PAX5: variants seen among roughly 807,000 people sequenced by gnomAD.
PAX5 encodes the protein paired box protein Pax-5.
A neutral mutation model predicts 43.7 loss-of-function variants in PAX5; 9 were observed. The ratio of observed to expected loss-of-function variants is 0.21; its 90% CI spans 0.12 to 0.36. The LOEUF (loss-of-function observed/expected upper bound fraction) is 0.36, where lower values mean the gene tolerates loss of function less well. PAX5 is among the 10% of genes least tolerant of loss of function. The probability of loss-of-function intolerance (pLI) is 1.00; values close to 1 mark genes in which losing one functional copy is unlikely to be tolerated. For synonymous variants in PAX5, 228 were observed against 214.3 expected (o/e 1.06, Z -0.56); for missense variants, 383 against 532.7 (o/e 0.72, Z 2.77).
chr9:36,900,911 G>C (rs542783686), intron 7 of PAX5, among the ~76,000 whole-genome samples: 13 of 104,786 alleles, frequency 1.2e-4, no homozygotes, highest in Non-Finnish European at 2.4e-4. Flanking sequence ...ATTATCTCCC[G>C]GGTCCCCCAG....
At chr9:37,026,166 G>A (rs977705720) in intron 1 of PAX5, among the ~76,000 whole-genome samples, 2 of 152,362 alleles carry the variant, frequency 1.3e-5, no homozygotes, top group Middle Eastern at 3.4e-3. Context: ...GGTGTGGGGC[G>A]CTGTCTGAGA....
intron 6 of PAX5, among the ~76,000 whole-genome samples, chr9:36,927,322 C>T (rs7032726): frequency 0.53 from 81,042 of 151,938 alleles, 21,720 homozygotes; most frequent in East Asian, 0.74. Context: ...AATGCCTTTA[C>T]TTCCCCCAAG....
At chr9:36,932,680 T>C (rs1306038122) in intron 6 of PAX5, among the ~76,000 whole-genome samples, 2 of 152,214 alleles carry the variant, frequency 1.3e-5, no homozygotes, top group East Asian at 3.8e-4. Context: ...TACTAAAAAC[T>C]ATTGATTCAT....
chr9:36,906,261 T>A (rs958782286), intron 7 of PAX5, among the ~76,000 whole-genome samples: 1 of 152,212 alleles, frequency 6.6e-6, no homozygotes, highest in African/African-American at 2.4e-5. Flanking sequence ...GTATTTGCGA[T>A]GTGGAGAGCG....
chr9:36,946,913 A>G (rs1832573480), intron 6 of PAX5, among the ~76,000 whole-genome samples: 1 of 152,194 alleles, frequency 6.6e-6, no homozygotes, highest in South Asian at 2.1e-4. Flanking sequence ...AGCCACGTGC[A>G]GGGCCAAAAC....
At chr9:36,941,642 C>A (rs748571205) in intron 6 of PAX5, among the ~76,000 whole-genome samples, 10 of 152,198 alleles carry the variant, frequency 6.6e-5, no homozygotes, top group Non-Finnish European at 1.2e-4. Flanking sequence ...CCTCAGACTC[C>A]CCCTCTTTGC....
At chr9:36,856,253 A>C (rs1823656654) in intron 8 of PAX5, among the ~76,000 whole-genome samples, 1 of 152,246 alleles carries the variant, frequency 6.6e-6, no homozygotes, top group African/African-American at 2.4e-5. Flanking sequence ...TGCTGGAAAG[A>C]ATTAGTGAAA....
chr9:37,029,004 G>T (rs941882770), intron 1 of PAX5, among the ~76,000 whole-genome samples: 2 of 152,212 alleles, frequency 1.3e-5, no homozygotes, highest in Non-Finnish European at 2.9e-5. Context: ...ATAGTTCTGT[G>T]AGCCATCTGG....
At chr9:36,979,690 G>T (rs1210021052) in intron 5 of PAX5, among the ~76,000 whole-genome samples, 1 of 152,184 alleles carries the variant, frequency 6.6e-6, no homozygotes, top group Non-Finnish European at 1.5e-5. Flanking sequence ...GAGACTGAGA[G>T]CCCTGGTGTC....
chr9:36,892,613 A>G (rs1158394993), intron 7 of PAX5, among the ~76,000 whole-genome samples: 1 of 152,230 alleles, frequency 6.6e-6, no homozygotes, highest in Non-Finnish European at 1.5e-5. Context: ...GAATCACAGA[A>G]TACAAAATGC....
intron 6 of PAX5, among the ~76,000 whole-genome samples, chr9:36,962,425 AT>A (rs1834051279): frequency 1.3e-5 from 2 of 152,154 alleles, no homozygotes; most frequent in Admixed American, 6.5e-5. Context: ...GTGAAAAAAA[AT>A]GTTCTAGTCT....
intron 9 of PAX5, among the ~76,000 whole-genome samples, chr9:36,843,034 G>A (rs964945382): frequency 1.3e-5 from 2 of 152,020 alleles, no homozygotes; most frequent in Non-Finnish European, 2.9e-5. Context: ...GTGCGTGTAT[G>A]TGTGCATGTG....
At chr9:36,993,341 C>T (rs539201067) in intron 5 of PAX5, among the ~76,000 whole-genome samples, 2 of 151,954 alleles carry the variant, frequency 1.3e-5, no homozygotes, top group South Asian at 2.1e-4. Context: ...TTTAATTAAC[C>T]CTCATAAACT....
chr9:36,922,520 T>C (rs544322970), intron 7 of PAX5, among the ~76,000 whole-genome samples: 1 of 152,270 alleles, frequency 6.6e-6, no homozygotes, highest in South Asian at 2.1e-4. Flanking sequence ...GGTCTCCCCG[T>C]CCTGGCCCAC....
At chr9:36,902,039 T>A (rs531961254) in intron 7 of PAX5, among the ~76,000 whole-genome samples, 1 of 152,290 alleles carries the variant, frequency 6.6e-6, no homozygotes, top group South Asian at 2.1e-4. Flanking sequence ...ATCCCCTCCC[T>A]AGACCAGGGT....
chr9:36,977,317 G>T, intron 5 of PAX5, among the ~76,000 whole-genome samples: 1 of 126,530 alleles, frequency 7.9e-6, no homozygotes, highest in Non-Finnish European at 1.6e-5. Flanking sequence ...GGGGGGGTGG[G>T]GGGAGGGAAG....
chr9:36,965,700 C>T lies in PAX5; in HGVS notation c.780+849G>A, dbSNP rs530103133. Among the ~76,000 whole-genome samples the T allele has an allele frequency of 1.9e-4, 29 of 152,296 alleles. 1 individual carries two copies. In the South Asian group the frequency reaches 5.8e-3, roughly 30 times the overall value. ...ACCACTAGTACCAGCGAGGAAAGTG[C>T]CGAGGAAAGTTGTTGTCTGTAGGGT... On this transcript the variant is annotated intron_variant, in intron 6 of 9. Transcript: ENST00000358127.
At chr9:36,885,918 C>T (rs1826866722) in intron 7 of PAX5, among the ~76,000 whole-genome samples, 1 of 152,196 alleles carries the variant, frequency 6.6e-6, no homozygotes, top group African/African-American at 2.4e-5. Context: ...TGCAGCTCTT[C>T]CTGCTAGAGC....
intron 6 of PAX5, among the ~76,000 whole-genome samples, chr9:36,963,008 T>C (rs1939355481): frequency 1.3e-5 from 2 of 152,232 alleles, no homozygotes; most frequent in South Asian, 4.1e-4. Flanking sequence ...CTTCCCAGCC[T>C]GCGGCCCCTT....
Sources: gnomAD v4.1 joint callset for allele counts (sites outside exome capture counted in the v4.1 genomes callset) on GRCh38, gnomAD v4.1.1 for gene constraint, MANE v1.5 for transcripts, NCBI Gene and HGNC (gene_info 2026-07-23, HGNC 2026-07-21) for gene names.